The following METAP1 variants were observed in gnomAD, a reference collection of about 807,000 sequenced individuals.
The protein encoded by METAP1 is methionine aminopeptidase 1.
METAP1 carries 28 observed loss-of-function variants against 53.8 expected under a neutral mutation model. The observed-to-expected ratio is 0.52, with a 90% CI of 0.39 to 0.71. METAP1 has a LOEUF of 0.71. Ranked by LOEUF, METAP1 falls within the 30% of genes least tolerant of loss-of-function variation. The probability of loss-of-function intolerance (pLI) is 0.00; values close to 1 mark genes in which losing one functional copy is unlikely to be tolerated. For missense variants in METAP1, 389 were observed against 479.8 expected, an observed-to-expected ratio of 0.81 and a Z score of 1.77; for synonymous variants, 181 against 165.7, an observed-to-expected ratio of 1.09 and a Z score of -0.71.
chr4:99,060,940 A>G (rs749136508), intron 10 of METAP1, among the ~76,000 whole-genome samples: 2 of 152,188 alleles, frequency 1.3e-5, no homozygotes, highest in African/African-American at 2.4e-5. Flanking sequence ...TCTTGATTTG[A>G]TATTTGGGAT....
chr4:99,062,259 C>T lies in METAP1; in HGVS notation c.*942C>T, dbSNP rs77527722. The T allele has an allele frequency of 1.3e-5, 2 of 152,014 alleles. No individual in the cohort carries two copies. The highest frequency in any genetic ancestry group is 4.8e-5 in the African/African-American group (2 of 41,366). The allele number at this position is 152,014 out of a possible 1,614,324, so 9.4% of individuals were successfully genotyped here. A position where few individuals can be genotyped will look rare whatever the true frequency, so the allele number is the denominator to read the frequency against. ...TTCTAAAGTGTCTCCAGCTGTGAACCCAGGAGGTCAAGTGGGCTATTAAAA... is the reference window on the plus strand; with the variant it reads ...TTCTAAAGTGTCTCCAGCTGTGAACTCAGGAGGTCAAGTGGGCTATTAAAA... On this transcript the variant is annotated 3_prime_UTR_variant, in exon 11 of 11. Transcript: ENST00000296411.
intron 1 of METAP1, chr4:98,997,581 T>G (rs902627466): frequency 1.3e-5 from 2 of 153,998 alleles, no homozygotes; most frequent in Admixed American, 1.3e-4. Context: ...GGTGGCATTT[T>G]GAATTAATAT....
intron 1 of METAP1, among the ~76,000 whole-genome samples, chr4:99,015,913 G>A (rs191422871): frequency 1.3e-5 from 2 of 152,142 alleles, no homozygotes; most frequent in Non-Finnish European, 2.9e-5. Context: ...GACTTGGCTC[G>A]GGGACCACAA....
chr4:99,020,006 ATTC>A (rs1426402998), intron 1 of METAP1, among the ~76,000 whole-genome samples: 1 of 152,066 alleles, frequency 6.6e-6, no homozygotes, highest in Non-Finnish European at 1.5e-5. Flanking sequence ...GATCCCTCAT[ATTC>A]TTCTGGTGAG....
chr4:99,034,469 C>T (rs980728779), intron 3 of METAP1, 127 bp downstream of exon 3: 2 of 643,314 alleles, frequency 3.1e-6, no homozygotes, highest in African/African-American at 3.7e-5. Flanking sequence ...CGAATTTTAG[C>T]TCTTGAGCTC....
chr4:99,035,925 G>A (rs936915305), intron 4 of METAP1: 1 of 154,748 alleles, frequency 6.5e-6, no homozygotes, highest in Non-Finnish European at 1.5e-5. Context: ...ATAATAACTG[G>A]TATTTATTTT....
intron 1 of METAP1, among the ~76,000 whole-genome samples, chr4:99,010,199 A>ATCC (rs1460384116): frequency 6.6e-6 from 1 of 152,184 alleles, no homozygotes; most frequent in Admixed American, 6.5e-5. Context: ...CACACCTGTA[A>ATCC]TCCCTGCACT....
intron 3 of METAP1, among the ~76,000 whole-genome samples, chr4:99,034,769 A>G (rs562884345): frequency 6.6e-6 from 1 of 152,300 alleles, no homozygotes; most frequent in Admixed American, 6.5e-5. Flanking sequence ...ACCAGGAGAT[A>G]TGGAGGACTG....
chr4:99,026,640 C>T (rs764667348), intron 1 of METAP1: 13 of 985,360 alleles, frequency 1.3e-5, no homozygotes, highest in Non-Finnish European at 1.4e-5. Context: ...CAGAAATTAA[C>T]TCTTCAGAGA....
intron 9 of METAP1, 105 bp downstream of exon 9, chr4:99,048,981 T>C: frequency 7.7e-7 from 1 of 1,305,474 alleles, no homozygotes; most frequent in Admixed American, 2.2e-5. Flanking sequence ...GAGTAATCTC[T>C]TAGCTGTAAT....
At chr4:99,057,713 T>A in intron 9 of METAP1, 40 bp from the exon 10 acceptor site, 1 of 1,485,748 alleles carries the variant, frequency 6.7e-7, no homozygotes, top group Non-Finnish European at 9.2e-7. Context: ...AGTACACTGT[T>A]GGTTTTGCTA....
chr4:99,060,360 C>CT (rs35135230), intron 10 of METAP1, among the ~76,000 whole-genome samples: 51,559 of 103,634 alleles, frequency 0.5, 15,287 homozygotes, highest in South Asian at 0.75. Context: ...TAAGCACATG[C>CT]TTTTTTTTTT....
intron 10 of METAP1, 147 bp downstream of exon 10, chr4:99,057,965 G>C (rs1727273039): frequency 2.9e-6 from 2 of 682,710 alleles, no homozygotes; most frequent in Non-Finnish European, 2.5e-6. Flanking sequence ...GTATCGTGAA[G>C]AACTGAAAAT....
intron 1 of METAP1, among the ~76,000 whole-genome samples, chr4:99,009,293 A>G (rs2110284195): frequency 6.6e-6 from 1 of 152,262 alleles, no homozygotes; most frequent in Non-Finnish European, 1.5e-5. Flanking sequence ...GGTTGTCTCT[A>G]CCTCTTGGTT....
chr4:99,049,557 G>A (rs113623185), intron 9 of METAP1, among the ~76,000 whole-genome samples: 126 of 152,266 alleles, frequency 8.3e-4, no homozygotes, highest in African/African-American at 2.7e-3. Context: ...CAAAGAAAGT[G>A]TAAGATAGAT....
chr4:99,022,840 CT>C, intron 1 of METAP1: 4 of 1,571,618 alleles, frequency 2.5e-6, no homozygotes, highest in Non-Finnish European at 2.6e-6. Context: ...TGTGGTACTG[CT>C]TTTTTCCCTC....
chr4:99,003,691 A>G (rs1723027136), intron 1 of METAP1, among the ~76,000 whole-genome samples: 1 of 152,212 alleles, frequency 6.6e-6, no homozygotes. Flanking sequence ...ATATTAGTAA[A>G]TGTTTGGGAA....
chr4:99,039,175 C>T (rs1725663360), intron 4 of METAP1, 199 bp from the exon 5 acceptor site: 1 of 411,998 alleles, frequency 2.4e-6, no homozygotes, highest in Non-Finnish European at 4.3e-6. Context: ...AGAATTTTTT[C>T]TTCAGTTGGT....
intron 10 of METAP1, among the ~76,000 whole-genome samples, chr4:99,059,984 C>T (rs1325782395): frequency 3.9e-5 from 6 of 152,164 alleles, no homozygotes; most frequent in Non-Finnish European, 8.8e-5. Context: ...GAATTGAATG[C>T]TGTAATAAAA....
Sources: allele counts gnomAD v4.1 joint callset (sites outside exome capture counted in the v4.1 genomes callset), GRCh38; gene constraint gnomAD v4.1.1; transcripts MANE v1.5; gene names NCBI Gene and HGNC (gene_info 2026-07-23, HGNC 2026-07-21).